Variants in C8B observed in about 807,000 individuals in gnomAD.
C8B encodes complement C8 beta chain.
A neutral mutation model predicts 64.6 loss-of-function variants in C8B; 67 were observed. The ratio of observed to expected loss-of-function variants is 1.04; its 90% CI spans 0.85 to 1.27. C8B has a LOEUF of 1.27. C8B is among the 50% of genes most tolerant of loss of function. C8B has a pLI of 0.00. For missense variants in C8B, 790 were observed against 725.2 expected (o/e 1.09, Z -1.03); for synonymous variants, 284 against 257.7 (o/e 1.10, Z -0.98).
At chr1:56,945,791 A>T in intron 7 of C8B, 30 bp downstream of exon 7, 1 of 1,613,932 alleles carries the variant, frequency 6.2e-7, no homozygotes. Flanking sequence ...CCCAGCTTTT[A>T]GGAAAGCCAT....
intron 1 of C8B, among the ~76,000 whole-genome samples, chr1:56,964,567 G>A (rs116784785): frequency 0.02 from 3,110 of 152,238 alleles, 79 homozygotes; most frequent in African/African-American, 0.053. Flanking sequence ...AAACACCCAC[G>A]CACCTGTAGA....
chr1:56,965,372 G>C (rs1002616888), intron 1 of C8B, among the ~76,000 whole-genome samples: 7 of 137,828 alleles, frequency 5.1e-5, no homozygotes, highest in African/African-American at 1.7e-4. Context: ...GGAACCTTGT[G>C]GGGGGTGAGA....
At chr1:56,959,467 G>A in intron 2 of C8B, 10 of 1,001,490 alleles carry the variant, frequency 1.0e-5, no homozygotes, top group East Asian at 2.6e-5. Context: ...CAGCTCCTGA[G>A]TAGGAGTTTC....
chr1:56,946,824 G>A (rs1162676249), intron 6 of C8B, among the ~76,000 whole-genome samples: 3 of 152,184 alleles, frequency 2.0e-5, no homozygotes. Context: ...AGAAAAAGAG[G>A]AAGGTGGCAA....
intron 2 of C8B, among the ~76,000 whole-genome samples, chr1:56,957,258 T>C (rs7542230): frequency 0.3 from 45,881 of 152,056 alleles, 7,350 homozygotes; most frequent in South Asian, 0.52. Flanking sequence ...GGTTAGTAGA[T>C]GGACTCATGT....
In C8B at chr1:56,952,028, G is replaced by A. The variant is rs373571927; in HGVS notation, c.666+20C>T. On this transcript the variant is annotated intron_variant, in intron 5 of 11. Coordinates refer to ENST00000371237, the MANE Select transcript of C8B (RefSeq NM_000066.4). ...GTGCTCAGCTGGGGCTCCCTCCACT[G>A]CTACCTGGCTGTCTCTTACCTGTGG... 1.2e-6 allele frequency: 2 copies of A among 1,613,290 alleles called. No homozygotes were observed. Among genetic ancestry groups the A allele is most frequent in the African/African-American group, 2.7e-5 (2 of 74,902 alleles).
At chr1:56,942,888 G>A (rs1644884439) in intron 8 of C8B, among the ~76,000 whole-genome samples, 1 of 151,426 alleles carries the variant, frequency 6.6e-6, no homozygotes, top group Non-Finnish European at 1.5e-5. Flanking sequence ...TGGGCAACAT[G>A]GCAAAACCCT....
At chr1:56,946,162 G>T (rs555043281) in intron 6 of C8B, 101 bp from the exon 7 acceptor site, 3 of 1,368,414 alleles carry the variant, frequency 2.2e-6, no homozygotes, top group African/African-American at 1.4e-5. Flanking sequence ...TTGGCCTGGG[G>T]TCATCACTCT....
chr1:56,930,950 C>A (rs1644692804), intron 11 of C8B, among the ~76,000 whole-genome samples: 1 of 152,122 alleles, frequency 6.6e-6, no homozygotes, highest in Admixed American at 6.5e-5. Flanking sequence ...GGCACAGAAA[C>A]TGAGGCATAA....
chr1:56,957,021 C>T (rs764047095), intron 2 of C8B, 111 bp from the exon 3 acceptor site: 5 of 1,076,800 alleles, frequency 4.6e-6, no homozygotes, highest in South Asian at 2.6e-5. Flanking sequence ...CACAAGAGCA[C>T]TGAAATGTCT....
At chr1:56,965,705 A>G (rs1645245826) in intron 1 of C8B, 152 bp downstream of exon 1, 3 of 782,158 alleles carry the variant, frequency 3.8e-6, no homozygotes, top group Non-Finnish European at 6.7e-6. Flanking sequence ...ATTTGAAAAG[A>G]GTTGTTGATA....
chr1:56,965,820 A>G, intron 1 of C8B, 37 bp downstream of exon 1: 2 of 1,610,246 alleles, frequency 1.2e-6, no homozygotes, highest in East Asian at 2.2e-5. Flanking sequence ...TCCCTGTCAT[A>G]TTATTGATCA....
In C8B at chr1:56,954,968, T is replaced by C. The variant is rs752567306; in HGVS notation, c.392-141A>G. The C allele has an allele frequency of 4.5e-4, 427 of 956,560 alleles. 1 individual carries two copies. The highest frequency in any genetic ancestry group is 6.3e-4 in the Non-Finnish European group (378 of 603,504). 59.3% of individuals were successfully genotyped at this position (956,560 alleles called of 1,614,324 possible). A position where few individuals can be genotyped will look rare whatever the true frequency, so the allele number is the denominator to read the frequency against. On this transcript the variant is annotated intron_variant, in intron 3 of 11. Transcript: ENST00000371237. ...TTTAATTAGTCATCCTGTATCCAGATAGATTGGTTATGGCACTAACAGTTT... is the reference window on the plus strand; with the variant it reads ...TTTAATTAGTCATCCTGTATCCAGACAGATTGGTTATGGCACTAACAGTTT...
At chr1:56,959,801 A>T (rs683916) in intron 2 of C8B, 255,448 of 723,582 alleles carry the variant, frequency 0.35, 47,589 homozygotes, top group South Asian at 0.55. Flanking sequence ...GGAAGCTAGT[A>T]GAGTGAGAAA....
rs149320911 is a variant in C8B, at chr1:56,949,920, C to T, written c.667-168G>A. Among the ~76,000 whole-genome samples, 52 of 152,218 alleles carry T rather than the reference C, an allele frequency of 3.4e-4. No homozygotes were observed. In the East Asian group the frequency reaches 6.6e-3, roughly 19 times the overall value. ...TGTCCCCACCTCAGGGCTCTTGGTT[C>T]AGTAGCAGAGACAGACCTGATCAAT... On this transcript the variant is annotated intron_variant, in intron 5 of 11. Transcript: ENST00000371237.
At chr1:56,959,067 G>A (rs1645141070) in intron 2 of C8B, among the ~76,000 whole-genome samples, 2 of 152,194 alleles carry the variant, frequency 1.3e-5, no homozygotes, top group African/African-American at 2.4e-5. Context: ...AGGAATACTG[G>A]ACAGTAGCCT....
intron 1 of C8B, among the ~76,000 whole-genome samples, chr1:56,965,185 A>G (rs898888847): frequency 6.6e-6 from 1 of 152,170 alleles, no homozygotes; most frequent in African/African-American, 2.4e-5. Flanking sequence ...ACACTTCAAC[A>G]TCTCATGGCA....
chr1:56,951,224 C>T lies in C8B; in HGVS notation c.666+824G>A, dbSNP rs1006065794. ...TCCCAAGTGGTTGGGACTATAGACA[C>T]GCACCACCACACCCGGCTAGAAAAA... On this transcript the variant is annotated intron_variant, in intron 5 of 11. Coordinates refer to ENST00000371237, the MANE Select transcript of C8B (RefSeq NM_000066.4). Among the ~76,000 whole-genome samples the T allele has an allele frequency of 9.2e-5, 14 of 152,220 alleles. No homozygotes were observed. In the Middle Eastern group the frequency reaches 0.01, roughly 111 times the overall value.
chr1:56,942,258 G>C (rs1444455769), intron 8 of C8B, among the ~76,000 whole-genome samples: 2 of 41,704 alleles, frequency 4.8e-5, no homozygotes, highest in Admixed American at 6.6e-4. Flanking sequence ...TATAAAGGCT[G>C]TGCTAAGTAA....
Sources: allele counts gnomAD v4.1 joint callset (sites outside exome capture counted in the v4.1 genomes callset), GRCh38; gene constraint gnomAD v4.1.1; transcripts MANE v1.5; gene names NCBI Gene and HGNC (gene_info 2026-07-23, HGNC 2026-07-21).